PLCB1: variants seen among roughly 807,000 people sequenced by gnomAD.
PLCB1 encodes 1-phosphatidylinositol 4,5-bisphosphate phosphodiesterase beta-1.
PLCB1 carries 46 observed loss-of-function variants against 161.8 expected under a neutral mutation model. The observed-to-expected ratio is 0.28, with a 90% confidence interval of 0.22 to 0.36. The LOEUF is 0.36. Ranked by LOEUF, PLCB1 falls within the 10% of genes least tolerant of loss-of-function variation. PLCB1 has a pLI of 1.00. For synonymous variants in PLCB1, 517 were observed against 503.7 expected (o/e 1.03, Z -0.35); for missense variants, 1,016 against 1,472.5 (o/e 0.69, Z 5.07).
intron 2 of PLCB1, among the ~76,000 whole-genome samples, chr20:8,335,440 A>G (rs1985536383): frequency 6.6e-6 from 1 of 152,180 alleles, no homozygotes; most frequent in African/African-American, 2.4e-5. Flanking sequence ...AACCTCCTAA[A>G]TAGTTCACAT....
chr20:8,759,835 T>C (rs796651071), intron 24 of PLCB1, among the ~76,000 whole-genome samples: 4 of 152,228 alleles, frequency 2.6e-5, no homozygotes, highest in African/African-American at 9.6e-5. Context: ...CTAAACTGAA[T>C]TTGTTCCAAG....
At chr20:8,401,560 C>A (rs565514043) in intron 3 of PLCB1, among the ~76,000 whole-genome samples, 1 of 152,312 alleles carries the variant, frequency 6.6e-6, no homozygotes, top group South Asian at 2.1e-4. Flanking sequence ...TAACAAACAA[C>A]TCCCAAATGT....
chr20:8,316,736 GAAA>G (rs1300460329), intron 2 of PLCB1, among the ~76,000 whole-genome samples: 7 of 152,084 alleles, frequency 4.6e-5, no homozygotes, highest in Non-Finnish European at 8.8e-5. Flanking sequence ...TTGGGAGACA[GAAA>G]GACGAGGGGT....
At chr20:8,327,480 G>C (rs531095253) in intron 2 of PLCB1, among the ~76,000 whole-genome samples, 94 of 152,312 alleles carry the variant, frequency 6.2e-4, no homozygotes, top group African/African-American at 2.2e-3. Flanking sequence ...TGCAAGGGAA[G>C]TTGGAAAATG....
At chr20:8,251,659 G>A (rs1467662750) in intron 2 of PLCB1, among the ~76,000 whole-genome samples, 2 of 151,958 alleles carry the variant, frequency 1.3e-5, no homozygotes, top group Admixed American at 6.6e-5. Flanking sequence ...CTGGTTATTA[G>A]AAGGGCATGT....
chr20:8,453,115 G>A (rs1057170787), intron 3 of PLCB1, among the ~76,000 whole-genome samples: 1 of 152,140 alleles, frequency 6.6e-6, no homozygotes, highest in African/African-American at 2.4e-5. Context: ...TTGTAACTTT[G>A]TTTCTGGCAT....
At chr20:8,611,531 G>T (rs1987903487) in intron 3 of PLCB1, among the ~76,000 whole-genome samples, 1 of 151,972 alleles carries the variant, frequency 6.6e-6, no homozygotes. Context: ...TAATAAAAAG[G>T]TCCTTTCAGT....
chr20:8,180,884 T>C (rs1282951150), intron 2 of PLCB1, among the ~76,000 whole-genome samples: 1 of 152,060 alleles, frequency 6.6e-6, no homozygotes, highest in African/African-American at 2.4e-5. Context: ...TATGAGACAT[T>C]AAATTTAAAA....
intron 3 of PLCB1, among the ~76,000 whole-genome samples, chr20:8,459,704 C>A (rs1981485513): frequency 2.0e-5 from 3 of 152,118 alleles, no homozygotes; most frequent in Non-Finnish European, 4.4e-5. Flanking sequence ...GTCATTGAAA[C>A]CATTGCATGT....
At chr20:8,776,330 T>A (rs1982942413) in intron 27 of PLCB1, among the ~76,000 whole-genome samples, 3 of 152,236 alleles carry the variant, frequency 2.0e-5, no homozygotes. Flanking sequence ...ATTTGGGATT[T>A]GAACCTTGGT....
chr20:8,833,844 C>A (rs1022070373), intron 31 of PLCB1, among the ~76,000 whole-genome samples: 12 of 152,154 alleles, frequency 7.9e-5, no homozygotes, highest in African/African-American at 2.9e-4. Context: ...CTAATGTCTG[C>A]TTTTCCAGGT....
chr20:8,389,477 G>T (rs1240994536), intron 3 of PLCB1, among the ~76,000 whole-genome samples: 11 of 152,156 alleles, frequency 7.2e-5, no homozygotes, highest in Admixed American at 7.2e-4. Context: ...GCCCAGAGTG[G>T]ACCTGTTGTT....
chr20:8,729,905 A>G (rs1387283758), intron 18 of PLCB1: 1 of 152,012 alleles, frequency 6.6e-6, no homozygotes, highest in Non-Finnish European at 1.5e-5. Flanking sequence ...GATCTTGGTT[A>G]AGTATTATCG....
At chr20:8,854,466 T>C (rs1438257033) in intron 31 of PLCB1, among the ~76,000 whole-genome samples, 1 of 152,210 alleles carries the variant, frequency 6.6e-6, no homozygotes, top group Non-Finnish European at 1.5e-5. Flanking sequence ...CCAACACCTC[T>C]CCTTTTTCTC....
At chr20:8,146,473 G>T (rs2051455671) in intron 1 of PLCB1, among the ~76,000 whole-genome samples, 1 of 152,202 alleles carries the variant, frequency 6.6e-6, no homozygotes, top group South Asian at 2.1e-4. Context: ...AGCAAATGTT[G>T]AGAATGTATC....
intron 31 of PLCB1, among the ~76,000 whole-genome samples, chr20:8,863,300 A>G (rs75375114): frequency 0.015 from 2,264 of 152,350 alleles, 61 homozygotes; most frequent in African/African-American, 0.051. Context: ...ACAATAATCA[A>G]GTATGTTTGG....
chr20:8,378,083 A>G (rs1227494609), intron 3 of PLCB1, among the ~76,000 whole-genome samples: 1 of 152,206 alleles, frequency 6.6e-6, no homozygotes, highest in African/African-American at 2.4e-5. Flanking sequence ...GAAGGCAGGA[A>G]CTTGAACAGA....
chr20:8,266,696 G>A (rs1470043232), intron 2 of PLCB1, among the ~76,000 whole-genome samples: 1 of 152,122 alleles, frequency 6.6e-6, no homozygotes, highest in Non-Finnish European at 1.5e-5. Flanking sequence ...TTTTAAAATA[G>A]CCTTTCTCTC....
chr20:8,191,092 G>T (rs2051965036), intron 2 of PLCB1, among the ~76,000 whole-genome samples: 1 of 151,254 alleles, frequency 6.6e-6, no homozygotes, highest in Non-Finnish European at 1.5e-5. Context: ...TACCTTTATG[G>T]TTTTTTTGTA....
Sources: allele counts gnomAD v4.1 joint callset (sites outside exome capture counted in the v4.1 genomes callset), GRCh38; gene constraint gnomAD v4.1.1; transcripts MANE v1.5; gene names NCBI Gene and HGNC (gene_info 2026-07-23, HGNC 2026-07-21).